BPHL: variants seen among roughly 807,000 people sequenced by gnomAD.
BPHL encodes biphenyl hydrolase like.
Under a neutral mutation model 31.2 loss-of-function variants are expected in BPHL, and 27 were observed. The observed-to-expected ratio is 0.87, with a 90% confidence interval of 0.64 to 1.19. BPHL has a LOEUF of 1.19. BPHL is among the 50% of genes most tolerant of loss of function. The probability of loss-of-function intolerance (pLI) is 0.00; values close to 1 mark genes in which losing one functional copy is unlikely to be tolerated. For synonymous variants in BPHL, 150 were observed against 146.8 expected (o/e 1.02, Z -0.16); for missense variants, 356 against 375.7 (o/e 0.95, Z 0.43).
At chr6:3,136,825 A>G (rs867340487) in intron 4 of BPHL, among the ~76,000 whole-genome samples, 10 of 152,218 alleles carry the variant, frequency 6.6e-5, no homozygotes, top group Non-Finnish European at 1.0e-4. Flanking sequence ...TCTATAATAC[A>G]GTTTGAAGTT....
chr6:3,130,588 G>A (rs1387586020), intron 4 of BPHL, among the ~76,000 whole-genome samples: 1 of 152,172 alleles, frequency 6.6e-6, no homozygotes, highest in Non-Finnish European at 1.5e-5. Flanking sequence ...AGACACTTAG[G>A]ACTAGGTGGG....
At chr6:3,121,832 G>T (rs1761582616) in intron 1 of BPHL, among the ~76,000 whole-genome samples, 1 of 152,188 alleles carries the variant, frequency 6.6e-6, no homozygotes, top group East Asian at 1.9e-4. Context: ...GTTAAGAGTA[G>T]ATGTACCTGT....
At chr6:3,142,381 T>TGCTG (rs1210902994) in intron 6 of BPHL, among the ~76,000 whole-genome samples, 1 of 152,180 alleles carries the variant, frequency 6.6e-6, no homozygotes, top group East Asian at 1.9e-4. Context: ...CCTCCCAAAG[T>TGCTG]GCTGGGATTA....
At chr6:3,119,586 G>C in intron 1 of BPHL, 1 of 1,580,320 alleles carries the variant, frequency 6.3e-7, no homozygotes, top group Non-Finnish European at 8.7e-7. Flanking sequence ...GGTCCCAAGA[G>C]ATACTGGGCA....
At chr6:3,142,579 T>C (rs1762210862) in intron 6 of BPHL, among the ~76,000 whole-genome samples, 1 of 152,220 alleles carries the variant, frequency 6.6e-6, no homozygotes, top group Non-Finnish European at 1.5e-5. Context: ...TTATCCATTT[T>C]ACAGATGAGA....
intron 4 of BPHL, among the ~76,000 whole-genome samples, chr6:3,130,021 G>A (rs1319164884): frequency 6.6e-6 from 1 of 152,052 alleles, no homozygotes; most frequent in Non-Finnish European, 1.5e-5. Flanking sequence ...TGGTCAGGCT[G>A]GTTTCGAATT....
intron 6 of BPHL, among the ~76,000 whole-genome samples, chr6:3,144,703 A>G (rs1206241364): frequency 6.6e-6 from 1 of 152,142 alleles, no homozygotes; most frequent in Non-Finnish European, 1.5e-5. Flanking sequence ...CTTTATTCAT[A>G]TCTCTAACAG....
intron 3 of BPHL, among the ~76,000 whole-genome samples, chr6:3,128,696 G>A (rs1389175095): frequency 6.6e-6 from 1 of 152,184 alleles, no homozygotes; most frequent in Non-Finnish European, 1.5e-5. Context: ...CCTTGCTCAG[G>A]CATGCATATG....
In BPHL at chr6:3,127,366, CT is replaced by C; in HGVS notation, c.342del (p.Phe114LeufsTer11). The C allele has an allele frequency of 3.1e-6, 5 of 1,607,222 alleles. No homozygotes were observed. Among genetic ancestry groups the C allele is most frequent in the Non-Finnish European group, 8.5e-7 (1 of 1,175,758 alleles). ...RPPDRDFPAD[F>X]FERDAKDAVD... ...CCCCAGATCGCGATTTCCCAGCAGA[CT>C]TTTTTGAAAGGGATGCAAAAGATGC... On this transcript the variant is annotated frameshift_variant, in exon 3 of 7. Transcript: ENST00000380379. LOFTEE classifies it high-confidence loss of function.
chr6:3,130,341 T>A (rs779438758), intron 4 of BPHL, among the ~76,000 whole-genome samples: 1 of 152,040 alleles, frequency 6.6e-6, no homozygotes, highest in Non-Finnish European at 1.5e-5. Context: ...GCCATGGAAT[T>A]TCAGTCAGCA....
In BPHL at chr6:3,149,036, C is replaced by T. The variant is rs1051858701; in HGVS notation, c.789-3452C>T. Among the ~76,000 whole-genome samples the T allele has an allele frequency of 2.6e-5, 4 of 152,148 alleles. No homozygotes were observed. Among genetic ancestry groups the T allele is most frequent in the Non-Finnish European group, 4.4e-5 (3 of 68,024 alleles). ...ACATTTATTAAGCTTACCACGTACC[C>T]GCAGACCCTATGCTGCATACGTTGA... On this transcript the variant is annotated intron_variant, in intron 6 of 6. Coordinates refer to ENST00000380379, the MANE Select transcript of BPHL (RefSeq NM_004332.4). This position sits in a 1 kb window ranked among gnomAD's most constrained non-coding sequence, Gnocchi z 4.6.
rs775547551 is a variant in BPHL, at chr6:3,127,380, A to G, written c.350A>G (p.Asp117Gly). ...RDFPADFFER[D>G]AKDAVDLMKA... The stretch of plus-strand genomic sequence containing the variant: ...TTCCCAGCAGACTTTTTTGAAAGGG[A>G]TGCAAAAGATGCTGTTGATTTGATG... Residue 117 changes from aspartate (D) to glycine (G), a missense_variant, in exon 3 of 7, where the codon GAT becomes GGT. Transcript: ENST00000380379. The G allele has an allele frequency of 3.1e-5, 50 of 1,607,912 alleles. No individual in the cohort carries two copies. The highest frequency in any genetic ancestry group is 4.2e-5 in the Non-Finnish European group (49 of 1,176,022).
At chr6:3,132,334 C>T (rs1314784606) in intron 4 of BPHL, among the ~76,000 whole-genome samples, 1 of 152,120 alleles carries the variant, frequency 6.6e-6, no homozygotes, top group Non-Finnish European at 1.5e-5. Context: ...CGTGTTCTCC[C>T]GACTTCCCTC....
At chr6:3,139,006 T>C (rs145564832) in intron 5 of BPHL, 146 of 152,260 alleles carry the variant, frequency 9.6e-4, no homozygotes, top group Non-Finnish European at 2.0e-3. Context: ...ATGCTTGGTA[T>C]AGTGTAGGGA....
Position 3,137,407 on chromosome 6 carries a change from T to C in BPHL, c.578T>C (p.Leu193Pro), listed in dbSNP as rs1318414323. The C allele has an allele frequency of 6.2e-7, 1 of 1,613,054 alleles. No homozygotes were observed. The highest frequency in any genetic ancestry group is 1.1e-5 in the South Asian group (1 of 90,972). ...SKWSERTRKP[L>P]EALYGYDYFA... ...TGGAGTGAGAGAACAAGAAAGCCTCTAGAAGCCCTCTATGGGTATGACTAC... is the reference window on the plus strand; with the variant it reads ...TGGAGTGAGAGAACAAGAAAGCCTCCAGAAGCCCTCTATGGGTATGACTAC... Residue 193 changes from leucine to proline, a missense_variant, in exon 5 of 7, where the codon CTA (leucine) becomes CCA (proline). Physicochemically the swap from Leu to Pro is moderately conservative, Grantham distance 98. Coordinates refer to ENST00000380379, the MANE Select transcript of BPHL (RefSeq NM_004332.4).
At position 3,153,330 on chromosome 6, in the gene BPHL, C is replaced by T. The variant is rs1028240678; in HGVS notation, c.*755C>T. The T allele has an allele frequency of 7.1e-5, 12 of 169,366 alleles. No individual in the cohort carries two copies. Among genetic ancestry groups the T allele is most frequent in the African/African-American group, 1.9e-4 (8 of 41,602 alleles). 10.5% of individuals were successfully genotyped at this position (169,366 alleles called of 1,614,324 possible). The stretch of plus-strand genomic sequence containing the variant: ...TATTCAAAGAGAAGTAGGGAGAGTC[C>T]GTGCCCGAGGTCCTCAATTCTAAGA... On this transcript the variant is annotated 3_prime_UTR_variant, in exon 7 of 7. Coordinates refer to ENST00000380379, the MANE Select transcript of BPHL (RefSeq NM_004332.4).
chr6:3,135,100 A>T (rs1194322700), intron 4 of BPHL, among the ~76,000 whole-genome samples: 1 of 152,168 alleles, frequency 6.6e-6, no homozygotes, highest in Admixed American at 6.5e-5. Context: ...ATCCACCAAC[A>T]TGTTTGCCCA....
At chr6:3,123,368 T>C (rs1469497084) in intron 1 of BPHL, among the ~76,000 whole-genome samples, 2 of 152,250 alleles carry the variant, frequency 1.3e-5, no homozygotes, top group Non-Finnish European at 2.9e-5. Flanking sequence ...GACATAAGTG[T>C]ACCTGTTTAT....
At chr6:3,123,128 C>T (rs911423733) in intron 1 of BPHL, among the ~76,000 whole-genome samples, 2 of 152,188 alleles carry the variant, frequency 1.3e-5, no homozygotes, top group Admixed American at 6.5e-5. Flanking sequence ...GGCACAATAG[C>T]GTATTCAAGC....
Sources: gnomAD v4.1 joint callset for allele counts (sites outside exome capture counted in the v4.1 genomes callset) on GRCh38, gnomAD v4.1.1 for gene constraint, Gnocchi (gnomAD v3.1) non-coding constraint, MANE v1.5 for transcripts, NCBI Gene and HGNC (gene_info 2026-07-23, HGNC 2026-07-21) for gene names.